GARRE1: variants seen among roughly 807,000 people sequenced by gnomAD.
GARRE1 encodes granule associated Rac and RHOG effector protein 1.
GARRE1 carries 49 observed loss-of-function variants against 103.2 expected under a neutral mutation model. That is an observed-to-expected ratio of 0.47 (90% CI 0.38 to 0.60). The LOEUF is 0.60. GARRE1 is among the 20% of genes least tolerant of loss of function. The probability of loss-of-function intolerance (pLI) is 0.00; values close to 1 mark genes in which losing one functional copy is unlikely to be tolerated. For synonymous variants in GARRE1, 505 were observed against 532.8 expected, an observed-to-expected ratio of 0.95 and a Z score of 0.72; for missense variants, 1,199 against 1,370.5, an observed-to-expected ratio of 0.87 and a Z score of 1.98.
intron 10 of GARRE1, among the ~76,000 whole-genome samples, chr19:34,346,260 A>T (rs1219405256): frequency 6.6e-6 from 1 of 152,118 alleles, no homozygotes; most frequent in Non-Finnish European, 1.5e-5. Context: ...CTTTCCTGCC[A>T]TATGTTTTTT....
At chr19:34,288,358 T>A (rs1238450594) in intron 1 of GARRE1, among the ~76,000 whole-genome samples, 1 of 152,190 alleles carries the variant, frequency 6.6e-6, no homozygotes, top group Non-Finnish European at 1.5e-5. Flanking sequence ...TCCCCCACCA[T>A]CTTCCACCCC....
At chr19:34,270,982 C>T (rs2073783776) in intron 1 of GARRE1, among the ~76,000 whole-genome samples, 1 of 152,158 alleles carries the variant, frequency 6.6e-6, no homozygotes, top group African/African-American at 2.4e-5. Context: ...CATCTCTAGA[C>T]ATTGCCAGAT....
chr19:34,306,979 A>G (rs995857056), intron 2 of GARRE1, among the ~76,000 whole-genome samples: 1 of 152,032 alleles, frequency 6.6e-6, no homozygotes, highest in Non-Finnish European at 1.5e-5. Context: ...CCTGAAAGGG[A>G]TGAGAGAGCA....
rs1186009262 is a variant in GARRE1 at position 34,288,548 on chromosome 19, G to A, written c.-795-11131G>A. ...AGAGCTGTGGCCGACTGTAGGGCTT[G>A]CCCGCTAGTCTGTATTTTCCCCTAC... On this transcript the variant is annotated intron_variant, in intron 1 of 13. Coordinates refer to ENST00000299505, the MANE Select transcript of GARRE1 (RefSeq NM_014686.5). Among the ~76,000 whole-genome samples the A allele has an allele frequency of 3.3e-5, 5 of 152,180 alleles. No individual in the cohort carries two copies. The East Asian group carries it at 5.8e-4, about 18-fold the overall frequency.
intron 1 of GARRE1, among the ~76,000 whole-genome samples, chr19:34,265,914 A>G (rs2073748470): frequency 6.6e-6 from 1 of 152,236 alleles, no homozygotes; most frequent in East Asian, 1.9e-4. Context: ...TAAGAGCAGG[A>G]ATTCACATCT....
chr19:34,296,662 G>T, intron 1 of GARRE1: 1 of 935,484 alleles, frequency 1.1e-6, no homozygotes, highest in Non-Finnish European at 1.7e-6. Context: ...TTGTATCTTT[G>T]TGATCGGGGT....
chr19:34,296,489 G>T, intron 1 of GARRE1: 1 of 1,594,572 alleles, frequency 6.3e-7, no homozygotes, highest in Non-Finnish European at 8.5e-7. Context: ...CACCCTTTGG[G>T]ATCTTGGGCT....
At chr19:34,287,700 G>A (rs1041985926) in intron 1 of GARRE1, among the ~76,000 whole-genome samples, 1 of 152,088 alleles carries the variant, frequency 6.6e-6, no homozygotes. Flanking sequence ...TTAAGATCAG[G>A]GTGCCAGCAC....
chr19:34,281,331 C>G (rs867892275), intron 1 of GARRE1, among the ~76,000 whole-genome samples: 1 of 152,312 alleles, frequency 6.6e-6, no homozygotes, highest in Middle Eastern at 3.4e-3. Flanking sequence ...CACTCTGTCA[C>G]CCAGGCTGGA....
chr19:34,340,720 G>A (rs1007579445), intron 9 of GARRE1, among the ~76,000 whole-genome samples: 1 of 152,030 alleles, frequency 6.6e-6, no homozygotes, highest in Non-Finnish European at 1.5e-5. Context: ...ATGGGGTTTC[G>A]CTGTGTTGGC....
chr19:34,274,796 G>A (rs1199696503), intron 1 of GARRE1, among the ~76,000 whole-genome samples: 2 of 152,178 alleles, frequency 1.3e-5, no homozygotes, highest in African/African-American at 4.8e-5. Flanking sequence ...GCGTCTTTTC[G>A]TGTTAGCAGC....
In GARRE1 at chr19:34,350,845, T is replaced by G. The variant is rs541142133; in HGVS notation, c.2826-669T>G. Among the ~76,000 whole-genome samples the G allele has an allele frequency of 1.7e-4, 26 of 152,092 alleles. 1 individual carries two copies. In the East Asian group the frequency reaches 5.1e-3, roughly 30 times the overall value. ...ATCCACCTACCTCGGCCTCCCAAAG[T>G]GTTGGGATTAAAGGCGTGAGCCACC... is the stretch of plus-strand genomic sequence containing the variant. On this transcript the variant is annotated intron_variant, in intron 12 of 13. Coordinates refer to ENST00000299505, the MANE Select transcript of GARRE1 (RefSeq NM_014686.5).
At chr19:34,256,741 C>G (rs1041992193) in intron 1 of GARRE1, among the ~76,000 whole-genome samples, 1 of 152,032 alleles carries the variant, frequency 6.6e-6, no homozygotes, top group African/African-American at 2.4e-5. Context: ...TTACAAAGTT[C>G]ATATTTACAT....
intron 1 of GARRE1, among the ~76,000 whole-genome samples, chr19:34,290,167 G>A (rs1048865563): frequency 6.6e-6 from 1 of 152,008 alleles, no homozygotes; most frequent in African/African-American, 2.4e-5. Flanking sequence ...GACCAGCCTG[G>A]GGAACATGGT....
intron 1 of GARRE1, among the ~76,000 whole-genome samples, chr19:34,258,204 C>T (rs1339710323): frequency 6.6e-6 from 1 of 152,066 alleles, no homozygotes; most frequent in Admixed American, 6.6e-5. Flanking sequence ...GTGGTCATTT[C>T]CTGAAATCTG....
In GARRE1 at chr19:34,273,650, G is replaced by T. The variant is rs375009668; in HGVS notation, c.-796+19036G>T. 7.9e-5 allele frequency among the ~76,000 whole-genome samples: 12 copies of T among 152,288 alleles called. No individual in the cohort carries two copies. The South Asian group carries it at 2.5e-3, about 32-fold the overall frequency. ...AGAGCAAACCGGCAGTTGTGATCTAGCATGTTATGCTTCAGTAGAGTTAAT... is the reference window on the plus strand; with the variant it reads ...AGAGCAAACCGGCAGTTGTGATCTATCATGTTATGCTTCAGTAGAGTTAAT... On this transcript the variant is annotated intron_variant, in intron 1 of 13. Transcript: ENST00000299505.
intron 1 of GARRE1, among the ~76,000 whole-genome samples, chr19:34,280,766 G>A (rs1037861218): frequency 6.6e-6 from 1 of 152,072 alleles, no homozygotes; most frequent in Admixed American, 6.6e-5. Context: ...GCCTAGTAGT[G>A]TTATATGAGT....
chr19:34,301,003 A>G, intron 2 of GARRE1, 35 bp downstream of exon 2: 1 of 1,561,404 alleles, frequency 6.4e-7, no homozygotes, highest in Non-Finnish European at 8.6e-7. Flanking sequence ...TGTGTAGGAA[A>G]ATATACTACA....
chr19:34,313,397 C>T (rs1040545030), intron 2 of GARRE1, among the ~76,000 whole-genome samples: 4 of 152,266 alleles, frequency 2.6e-5, no homozygotes, highest in South Asian at 2.1e-4. Flanking sequence ...GCCTCCTCTC[C>T]ACCCCATTCC....
Sources: gnomAD v4.1 joint callset for allele counts (sites outside exome capture counted in the v4.1 genomes callset) on GRCh38, gnomAD v4.1.1 for gene constraint, MANE v1.5 for transcripts, NCBI Gene and HGNC (gene_info 2026-07-23, HGNC 2026-07-21) for gene names.